HS6ST2: variants seen among roughly 807,000 people sequenced by gnomAD.
HS6ST2 encodes heparan-sulfate 6-O-sulfotransferase 2.
Under a neutral mutation model 33.0 loss-of-function variants are expected in HS6ST2, and 17 were observed. The ratio of observed to expected loss-of-function variants is 0.52; its 90% confidence interval spans 0.35 to 0.77. The LOEUF (loss-of-function observed/expected upper bound fraction) is 0.77. HS6ST2 is among the 30% of genes least tolerant of loss of function. The pLI is 0.01. For synonymous variants in HS6ST2, 248 were observed against 237.1 expected (o/e 1.05, Z -0.42); for missense variants, 519 against 551.7 (o/e 0.94, Z 0.59).
At chrX:132,835,632 CT>C (rs1376066980) in intron 2 of HS6ST2, among the ~76,000 whole-genome samples, 2 of 112,436 alleles carry the variant, frequency 1.8e-5, no homozygotes, top group African/African-American at 6.5e-5. Context: ...GATAAGAAAT[CT>C]GTTATAAACA....
chrX:132,636,667 G>A (rs894184394), intron 4 of HS6ST2, among the ~76,000 whole-genome samples: 2 of 111,387 alleles, frequency 1.8e-5, no homozygotes, highest in African/African-American at 3.3e-5. Context: ...CTTGCCAGTA[G>A]CCCTTGAGAA....
At chrX:132,815,841 T>C (rs1038143142) in intron 2 of HS6ST2, among the ~76,000 whole-genome samples, 4 of 111,175 alleles carry the variant, frequency 3.6e-5, no homozygotes, top group African/African-American at 9.8e-5. Flanking sequence ...CTGTGAGTAA[T>C]AGGGGGATGG....
chrX:132,688,395 G>A (rs1474878711), intron 3 of HS6ST2, among the ~76,000 whole-genome samples: 2 of 111,999 alleles, frequency 1.8e-5, no homozygotes, highest in African/African-American at 6.5e-5. Flanking sequence ...CCATTCTCAT[G>A]CTGCTAATAA....
chrX:132,668,032 C>T (rs187633806), intron 4 of HS6ST2, among the ~76,000 whole-genome samples: 223 of 111,525 alleles, frequency 2.0e-3, no homozygotes, highest in African/African-American at 6.7e-3. Flanking sequence ...ACTTTATATG[C>T]AAACCTGAAA....
intron 2 of HS6ST2, among the ~76,000 whole-genome samples, chrX:132,911,941 G>A (rs2066539947): frequency 9.0e-6 from 1 of 111,278 alleles, no homozygotes; most frequent in African/African-American, 3.3e-5. Context: ...CTGGCCTCAT[G>A]AGCACACACT....
chrX:132,884,506 A>T (rs987899023), intron 2 of HS6ST2, among the ~76,000 whole-genome samples: 2 of 111,952 alleles, frequency 1.8e-5, no homozygotes, highest in Non-Finnish European at 3.8e-5. Flanking sequence ...CAACTAAAAC[A>T]AAAATGACTA....
intron 4 of HS6ST2, among the ~76,000 whole-genome samples, chrX:132,661,728 G>A (rs1430315945): frequency 5.4e-5 from 6 of 112,016 alleles, no homozygotes; most frequent in Non-Finnish European, 9.4e-5. Flanking sequence ...TGGAAAGGAC[G>A]TACAACATCC....
intron 2 of HS6ST2, among the ~76,000 whole-genome samples, chrX:132,894,843 A>G (rs940601675): frequency 6.2e-5 from 7 of 112,109 alleles, no homozygotes; most frequent in African/African-American, 2.3e-4. Flanking sequence ...GCCTATTTTT[A>G]TAATATAAAA....
At chrX:132,886,433 C>A (rs1299969343) in intron 2 of HS6ST2, among the ~76,000 whole-genome samples, 1 of 110,898 alleles carries the variant, frequency 9.0e-6, no homozygotes, top group African/African-American at 3.3e-5. Context: ...AAATAAACAG[C>A]CTCAGAGACC....
intron 2 of HS6ST2, among the ~76,000 whole-genome samples, chrX:132,842,221 G>GCAAACAACA (rs2065713410): frequency 9.0e-6 from 1 of 111,576 alleles, no homozygotes; most frequent in African/African-American, 3.3e-5. Context: ...AGCTCAGGCT[G>GCAAACAACA]GCGAATGCTC....
At chrX:132,663,383 C>T (rs1367838219) in intron 4 of HS6ST2, among the ~76,000 whole-genome samples, 1 of 111,843 alleles carries the variant, frequency 8.9e-6, no homozygotes, top group African/African-American at 3.2e-5. Context: ...TCAAAGATCT[C>T]ACACTATTCT....
chrX:132,712,182 C>T lies in HS6ST2; in HGVS notation c.948-3688G>A, dbSNP rs188454691. ...ACTGGTGTGCTCACCCTCCCTTTAA[C>T]TGCCACACCAAGAGCTGACGTGTTT... On this transcript the variant is annotated intron_variant, in intron 2 of 4. Coordinates refer to ENST00000370833, the MANE Select transcript of HS6ST2 (RefSeq NM_001394073.1). Among the ~76,000 whole-genome samples the T allele has an allele frequency of 9.8e-3, 1,092 of 111,773 alleles. 15 individuals carry two copies. The highest frequency in any genetic ancestry group is 0.033 in the African/African-American group (1,002 of 30,660).
chrX:132,748,569 C>A (rs1393067561), intron 2 of HS6ST2, among the ~76,000 whole-genome samples: 1 of 111,429 alleles, frequency 9.0e-6, no homozygotes, highest in Non-Finnish European at 1.9e-5. Context: ...TGAGTCCTAA[C>A]GCTTGGATCA....
At chrX:132,637,892 T>A (rs1366546681) in intron 4 of HS6ST2, among the ~76,000 whole-genome samples, 96 of 54,439 alleles carry the variant, frequency 1.8e-3, no homozygotes, top group African/African-American at 0.012. Flanking sequence ...ATATAATATT[T>A]TATATATAAT....
At chrX:132,716,791 A>G (rs1174288210) in intron 2 of HS6ST2, among the ~76,000 whole-genome samples, 1 of 112,182 alleles carries the variant, frequency 8.9e-6, no homozygotes. Context: ...ACTGGGAGTT[A>G]TTTTATCCCA....
chrX:132,810,610 T>G (rs994500184), intron 2 of HS6ST2, among the ~76,000 whole-genome samples: 19 of 110,945 alleles, frequency 1.7e-4, no homozygotes, highest in Non-Finnish European at 2.3e-4. Flanking sequence ...CCCCTCCCAC[T>G]CTGAATCTCC....
At chrX:132,949,978 A>C (rs2148503112) in intron 2 of HS6ST2, among the ~76,000 whole-genome samples, 1 of 111,389 alleles carries the variant, frequency 9.0e-6, no homozygotes, top group East Asian at 2.8e-4. Context: ...CTATCAAAGG[A>C]CATTTAAGTG....
Position 132,822,354 on chromosome X carries a change from A to G in HS6ST2, c.948-113860T>C, listed in dbSNP as rs190536537. 2.1e-4 allele frequency among the ~76,000 whole-genome samples: 23 copies of G among 111,147 alleles called. No individual in the cohort carries two copies. The East Asian group carries it at 6.3e-3, about 30-fold the overall frequency. On this transcript the variant is annotated intron_variant, in intron 2 of 4. Coordinates refer to ENST00000370833, the MANE Select transcript of HS6ST2 (RefSeq NM_001394073.1). ...GGTCTCAGAGAGGACACCCTCTCTG[A>G]TATCAGAGCCGCATCCTGCTCAGCA... is the stretch of plus-strand genomic sequence containing the variant.
At chrX:132,852,639 G>C (rs1259667764) in intron 2 of HS6ST2, among the ~76,000 whole-genome samples, 1 of 112,247 alleles carries the variant, frequency 8.9e-6, no homozygotes, top group Non-Finnish European at 1.9e-5. Flanking sequence ...CCATTCAGCT[G>C]TCTCTAATGA....
Sources: gnomAD v4.1 joint callset for allele counts (sites outside exome capture counted in the v4.1 genomes callset) on GRCh38, gnomAD v4.1.1 for gene constraint, MANE v1.5 for transcripts, NCBI Gene and HGNC (gene_info 2026-07-23, HGNC 2026-07-21) for gene names.